Variants in ADAMTSL3 observed in about 807,000 individuals in gnomAD.
ADAMTSL3 encodes the protein ADAMTS like 3, also known as ADAMTS-like protein 3.
A neutral mutation model predicts 201.7 loss-of-function variants in ADAMTSL3; 128 were observed. That is an observed-to-expected ratio of 0.63 (90% CI 0.55 to 0.73). The LOEUF (loss-of-function observed/expected upper bound fraction) is 0.73, where lower values mean the gene tolerates loss of function less well. ADAMTSL3 is among the 30% of genes least tolerant of loss of function. The pLI is 0.00. For synonymous variants in ADAMTSL3, 738 were observed against 748.4 expected, an observed-to-expected ratio of 0.99 and a Z score of 0.23; for missense variants, 1,990 against 2,119.6, an observed-to-expected ratio of 0.94 and a Z score of 1.20.
rs370951299 is a variant in ADAMTSL3 at position 83,899,618 on chromosome 15, G to T, written c.1616-29G>T. The T allele has an allele frequency of 5.6e-6, 9 of 1,597,836 alleles. No individual in the cohort carries two copies. The African/African-American group carries it at 9.5e-5, about 17-fold the overall frequency. ...CTCCTTAATGATTAATAGTAATTAG[G>T]CTCATTGTTTATGTTCTCTTTTTCT... On this transcript the variant is annotated intron_variant, in intron 14 of 29. Transcript: ENST00000286744.
At chr15:83,833,422 T>G (rs1028524639) in intron 6 of ADAMTSL3, among the ~76,000 whole-genome samples, 5 of 152,112 alleles carry the variant, frequency 3.3e-5, no homozygotes, top group African/African-American at 1.2e-4. Flanking sequence ...ATCCTATTCA[T>G]GAGGTCTCTA....
chr15:83,888,708 G>A (rs759868837), intron 10 of ADAMTSL3, among the ~76,000 whole-genome samples: 3 of 152,254 alleles, frequency 2.0e-5, no homozygotes, highest in South Asian at 2.1e-4. Flanking sequence ...ATCTGATATC[G>A]TTGACTTTCT....
intron 3 of ADAMTSL3, 21 bp from the exon 4 acceptor site, chr15:83,773,502 T>C: frequency 6.2e-7 from 1 of 1,610,458 alleles, no homozygotes; most frequent in Non-Finnish European, 8.5e-7. Flanking sequence ...TTTTTTTGTT[T>C]GTTTGCTTTT....
At chr15:83,917,684 C>T (rs2066062508) in intron 16 of ADAMTSL3, among the ~76,000 whole-genome samples, 1 of 151,936 alleles carries the variant, frequency 6.6e-6, no homozygotes, top group African/African-American at 2.4e-5. Context: ...TTTATGTTTT[C>T]CAACAACACA....
intron 3 of ADAMTSL3, among the ~76,000 whole-genome samples, chr15:83,745,155 G>A (rs564649325): frequency 3.3e-5 from 5 of 152,328 alleles, no homozygotes; most frequent in African/African-American, 9.6e-5. Context: ...GCTTGACAAC[G>A]TTGCTTCAGA....
intron 8 of ADAMTSL3, among the ~76,000 whole-genome samples, chr15:83,863,848 A>G (rs1163938454): frequency 6.6e-6 from 1 of 152,226 alleles, no homozygotes; most frequent in Non-Finnish European, 1.5e-5. Context: ...GAAAAGATCA[A>G]CAAAATTGAT....
intron 4 of ADAMTSL3, among the ~76,000 whole-genome samples, chr15:83,800,210 C>T (rs2063495838): frequency 6.6e-6 from 1 of 151,976 alleles, no homozygotes; most frequent in South Asian, 2.1e-4. Flanking sequence ...ATAGTAGGTT[C>T]ACCATAAGAC....
chr15:83,705,976 A>G (rs9788726), intron 3 of ADAMTSL3, among the ~76,000 whole-genome samples: 80,272 of 152,026 alleles, frequency 0.53, 23,084 homozygotes, highest in African/African-American at 0.74. Context: ...GAATAATTCT[A>G]TATTTGCATT....
At chr15:83,781,782 T>C (rs2063173637) in intron 4 of ADAMTSL3, among the ~76,000 whole-genome samples, 1 of 152,118 alleles carries the variant, frequency 6.6e-6, no homozygotes, top group South Asian at 2.1e-4. Flanking sequence ...GAACAGACAT[T>C]TTTCAAGAGA....
rs1426182305 is a variant in ADAMTSL3, at chr15:84,036,862, G to C, written c.4844G>C (p.Arg1615Thr). The C allele has an allele frequency of 6.2e-7, 1 of 1,613,992 alleles. No homozygotes were observed. Among genetic ancestry groups the C allele is most frequent in the Admixed American group, 1.7e-5 (1 of 59,988 alleles). ...PWKPCTAACGRGFQSRKVDCI... is the reference protein window; with the variant it reads ...PWKPCTAACGTGFQSRKVDCI... Reference sequence around the variant, plus strand: ...AAGCCCTGTACAGCAGCCTGTGGCAGGGGTTTCCAGTCTCGGAAAGTCGAC... The same window carrying C: ...AAGCCCTGTACAGCAGCCTGTGGCACGGGTTTCCAGTCTCGGAAAGTCGAC... The change falls in exon 29 of 30, where the codon AGG (arginine) becomes ACG (threonine). Residue 1615 changes from arginine to threonine, a missense_variant. Physicochemically the swap from Arg to Thr is moderately conservative, Grantham distance 71. Transcript: ENST00000286744.
At chr15:83,779,103 A>C (rs937255919) in intron 4 of ADAMTSL3, among the ~76,000 whole-genome samples, 4 of 152,174 alleles carry the variant, frequency 2.6e-5, no homozygotes, top group East Asian at 1.9e-4. Flanking sequence ...GCAGCACCCA[A>C]ATTCATAAAG....
rs2068511144 is a variant in ADAMTSL3, at chr15:84,036,633, G to A, written c.4755-140G>A. 3 of 645,322 alleles carry A rather than the reference G, an allele frequency of 4.6e-6. No individual in the cohort carries two copies. The Admixed American group carries it at 8.8e-5, about 19-fold the overall frequency. 40.0% of individuals were successfully genotyped at this position (645,322 alleles called of 1,614,324 possible). A position where few individuals can be genotyped will look rare whatever the true frequency, so the allele number is the denominator to read the frequency against. On this transcript the variant is annotated intron_variant, in intron 28 of 29. Coordinates refer to ENST00000286744, the MANE Select transcript of ADAMTSL3 (RefSeq NM_207517.3). The stretch of plus-strand genomic sequence containing the variant: ...CTAGCCTGTATGGCATAAAAGCAGA[G>A]GAATGTCTTGGTCTTAGACTCTCCA...
intron 3 of ADAMTSL3, among the ~76,000 whole-genome samples, chr15:83,712,443 G>A (rs945021476): frequency 6.6e-6 from 1 of 152,158 alleles, no homozygotes; most frequent in Non-Finnish European, 1.5e-5. Context: ...CTAAGGTGGG[G>A]GGTTGACCTT....
intron 3 of ADAMTSL3, among the ~76,000 whole-genome samples, chr15:83,766,814 G>C (rs915515986): frequency 6.6e-6 from 1 of 152,186 alleles, no homozygotes; most frequent in Admixed American, 6.5e-5. Context: ...ATAGATGATG[G>C]CTGGGCGTAG....
At chr15:83,709,102 G>A (rs1296839545) in intron 3 of ADAMTSL3, among the ~76,000 whole-genome samples, 13 of 152,166 alleles carry the variant, frequency 8.5e-5, no homozygotes, top group Admixed American at 8.5e-4. Context: ...AGACCCCAGA[G>A]ATTAAGATTA....
intron 4 of ADAMTSL3, among the ~76,000 whole-genome samples, chr15:83,793,587 C>A (rs1369132760): frequency 6.6e-6 from 1 of 152,090 alleles, no homozygotes; most frequent in African/African-American, 2.4e-5. Context: ...AGCGATTCTC[C>A]TTCCTCTACC....
chr15:83,752,894 C>G (rs2141676690), intron 3 of ADAMTSL3, among the ~76,000 whole-genome samples: 1 of 152,308 alleles, frequency 6.6e-6, no homozygotes, highest in Non-Finnish European at 1.5e-5. Flanking sequence ...TTGTTCAACT[C>G]TCTCATCCAT....
At position 83,873,037 on chromosome 15, in the gene ADAMTSL3, G is replaced by A. The variant is rs1195693073; in HGVS notation, c.960+2078G>A. Among the ~76,000 whole-genome samples the A allele has an allele frequency of 1.4e-5, 2 of 145,584 alleles. 1 individual carries two copies. Among genetic ancestry groups the A allele is most frequent in the Admixed American group, 1.3e-4 (2 of 14,888 alleles). ...AGGAAGAATGTGGCTGGGCGTGGTG[G>A]CTCATGCCTGTAATCCCAGCACTTA... On this transcript the variant is annotated intron_variant, in intron 9 of 29. Coordinates refer to ENST00000286744, the MANE Select transcript of ADAMTSL3 (RefSeq NM_207517.3).
chr15:83,807,970 C>T (rs541358012), intron 5 of ADAMTSL3, among the ~76,000 whole-genome samples: 31 of 152,156 alleles, frequency 2.0e-4, no homozygotes, highest in African/African-American at 4.3e-4. Context: ...TATCTCTCAC[C>T]GTGTACAAAA....
Sources: allele counts gnomAD v4.1 joint callset (sites outside exome capture counted in the v4.1 genomes callset), GRCh38; gene constraint gnomAD v4.1.1; transcripts MANE v1.5; gene names NCBI Gene and HGNC (gene_info 2026-07-23, HGNC 2026-07-21).